The following SUSD4 variants were observed in gnomAD, a reference collection of about 807,000 sequenced individuals.
SUSD4 encodes sushi domain containing 4.
SUSD4 carries 41 observed loss-of-function variants against 50.5 expected under a neutral mutation model. The observed-to-expected ratio is 0.81, with a 90% CI of 0.63 to 1.05. The LOEUF (loss-of-function observed/expected upper bound fraction) is 1.05, where lower values mean the gene tolerates loss of function less well. Ranked by LOEUF, SUSD4 falls within the 50% of genes least tolerant of loss-of-function variation. SUSD4 has a pLI of 0.00. For synonymous variants in SUSD4, 257 were observed against 257.3 expected (o/e 1.00, Z 0.01); for missense variants, 580 against 634.7 (o/e 0.91, Z 0.93).
At chr1:223,291,167 T>A (rs554111359) in intron 3 of SUSD4, among the ~76,000 whole-genome samples, 4 of 152,276 alleles carry the variant, frequency 2.6e-5, no homozygotes, top group Non-Finnish European at 4.4e-5. Flanking sequence ...CTTTACAATT[T>A]CCAGAAGGAG....
At chr1:223,348,682 C>A (rs1161553923) in intron 2 of SUSD4, among the ~76,000 whole-genome samples, 2 of 152,180 alleles carry the variant, frequency 1.3e-5, no homozygotes, top group Admixed American at 1.3e-4. Context: ...ACACTACCAA[C>A]CCTAGCCTAA....
At chr1:223,310,493 T>C (rs970535859) in intron 2 of SUSD4, among the ~76,000 whole-genome samples, 5 of 152,164 alleles carry the variant, frequency 3.3e-5, no homozygotes, top group Non-Finnish European at 7.3e-5. Context: ...CAATTCCCCA[T>C]ATATATGTTA....
chr1:223,277,160 A>C (rs1488473107), intron 3 of SUSD4, among the ~76,000 whole-genome samples: 3 of 152,186 alleles, frequency 2.0e-5, no homozygotes, highest in African/African-American at 7.2e-5. Context: ...TAATACTTAA[A>C]CTCATATTGC....
At chr1:223,353,883 C>T (rs1668507243) in intron 2 of SUSD4, among the ~76,000 whole-genome samples, 2 of 152,020 alleles carry the variant, frequency 1.3e-5, no homozygotes, top group African/African-American at 4.8e-5. Flanking sequence ...TCTACTCCTC[C>T]TCTTAGCTTT....
intron 3 of SUSD4, among the ~76,000 whole-genome samples, chr1:223,273,216 T>C (rs1663032972): frequency 6.6e-6 from 1 of 152,134 alleles, no homozygotes; most frequent in African/African-American, 2.4e-5. Context: ...ATTTGGAATA[T>C]AGTGACCAAG....
chr1:223,246,499 A>C (rs1660938528), intron 5 of SUSD4, among the ~76,000 whole-genome samples: 1 of 145,718 alleles, frequency 6.9e-6, no homozygotes, highest in African/African-American at 2.6e-5. Context: ...TGATCTTGTT[A>C]AGACGTTGGC....
chr1:223,255,215 G>A (rs1293026554), intron 5 of SUSD4, among the ~76,000 whole-genome samples: 1 of 152,150 alleles, frequency 6.6e-6, no homozygotes, highest in East Asian at 1.9e-4. Context: ...CTAGGCCCAG[G>A]GAACACACAT....
chr1:223,227,651 AG>A lies in SUSD4; in HGVS notation c.1003del (p.Leu335CysfsTer35). 1.9e-6 allele frequency: 3 copies of A among 1,613,910 alleles called. No homozygotes were observed. The highest frequency in any genetic ancestry group is 2.5e-6 in the Non-Finnish European group (3 of 1,179,944). On this transcript the variant is annotated frameshift_variant, in exon 7 of 9. Transcript: ENST00000366878. LOFTEE classifies it high-confidence loss of function. The surrounding 1 kb of genome is among the most constrained non-coding windows in gnomAD (Gnocchi z 4.5). ...GAACATCCTGGCCAGGATGACGAGC[AG>A]CAGCACCAGCAGCACACTGGTTGCC... ...FTATSVLLVLLLVILARMFQT... is the reference protein window; with the variant it reads ...FTATSVLLVLXLVILARMFQT...
intron 2 of SUSD4, among the ~76,000 whole-genome samples, chr1:223,336,083 G>T (rs894422434): frequency 6.6e-6 from 1 of 152,080 alleles, no homozygotes; most frequent in African/African-American, 2.4e-5. Context: ...AAGCCAAGAT[G>T]TAAATAATGA....
chr1:223,360,527 C>T (rs768726193), intron 2 of SUSD4, among the ~76,000 whole-genome samples: 4 of 152,122 alleles, frequency 2.6e-5, no homozygotes, highest in Non-Finnish European at 4.4e-5. Context: ...TAAAAGCTTC[C>T]CTAGGGTTCA....
At position 223,225,856 on chromosome 1, in the gene SUSD4, G is replaced by T. The variant is rs878902025; in HGVS notation, c.1061+1738C>A. On this transcript the variant is annotated intron_variant, in intron 7 of 8. Transcript: ENST00000366878. ...ACACCCCTCGTCAACATCCCTGCAG[G>T]CTCTACTCTTGTGGAACCTGGAGAA... 3.3e-5 allele frequency among the ~76,000 whole-genome samples: 5 copies of T among 152,164 alleles called. No homozygotes were observed. The South Asian group carries it at 1.0e-3, about 32-fold the overall frequency.
At chr1:223,284,724 G>C (rs573187982) in intron 3 of SUSD4, among the ~76,000 whole-genome samples, 1 of 152,188 alleles carries the variant, frequency 6.6e-6, no homozygotes, top group African/African-American at 2.4e-5. Flanking sequence ...GATGGAACTG[G>C]GGGACATTAT....
intron 4 of SUSD4, among the ~76,000 whole-genome samples, chr1:223,266,276 G>T (rs1052951128): frequency 6.6e-6 from 1 of 152,190 alleles, no homozygotes; most frequent in Non-Finnish European, 1.5e-5. Context: ...GTTTTCTTGA[G>T]CTGAAAACTG....
At chr1:223,245,133 C>T (rs1375214994) in intron 5 of SUSD4, among the ~76,000 whole-genome samples, 1 of 151,856 alleles carries the variant, frequency 6.6e-6, no homozygotes, top group Non-Finnish European at 1.5e-5. Context: ...TTTTCAATTT[C>T]TATTTTGATA....
chr1:223,291,046 A>T (rs1664456380), intron 3 of SUSD4, among the ~76,000 whole-genome samples: 1 of 152,142 alleles, frequency 6.6e-6, no homozygotes, highest in Non-Finnish European at 1.5e-5. Flanking sequence ...AAATGAACTT[A>T]TTTTTAAAAA....
chr1:223,349,349 T>A (rs1668225952), intron 2 of SUSD4, among the ~76,000 whole-genome samples: 1 of 152,196 alleles, frequency 6.6e-6, no homozygotes, highest in African/African-American at 2.4e-5. Context: ...AATATTTACC[T>A]GACCTAAACC....
At chr1:223,296,843 T>C (rs183968521) in intron 2 of SUSD4, among the ~76,000 whole-genome samples, 2 of 152,336 alleles carry the variant, frequency 1.3e-5, no homozygotes, top group African/African-American at 2.4e-5. Flanking sequence ...AGGATGCGTT[T>C]GCTTTCCCTT....
Position 223,221,405 on chromosome 1 carries a change from A to G in SUSD4, c.*787T>C, listed in dbSNP as rs1659130039. 1 of 266,660 alleles carries G rather than the reference A, an allele frequency of 3.8e-6. No individual in the cohort carries two copies. The highest frequency in any genetic ancestry group is 2.2e-5 in the African/African-American group (1 of 45,658). The allele number at this position is 266,660 out of a possible 1,614,324, so 16.5% of individuals were successfully genotyped here. On this transcript the variant is annotated 3_prime_UTR_variant, in exon 9 of 9. Transcript: ENST00000366878. Reference sequence around the variant, plus strand: ...TCCATCATGAGATGTATTTGAACACATTCTGACCATGTGTAAAAACCACCA... The same window carrying G: ...TCCATCATGAGATGTATTTGAACACGTTCTGACCATGTGTAAAAACCACCA...
At position 223,363,444 on chromosome 1, in the gene SUSD4, A is replaced by G. The variant is rs1294868353; in HGVS notation, c.-19T>C. ...GATACATCTTTCATCCACAGAGGGC[A>G]TCCAGCTTGCAAGAGTCTGCAACCA... On this transcript the variant is annotated 5_prime_UTR_variant, in exon 2 of 9. It removes an upstream start codon present in the reference 5' UTR. Transcript: ENST00000366878. 2.0e-6 allele frequency: 3 copies of G among 1,526,278 alleles called. No individual in the cohort carries two copies. Among genetic ancestry groups the G allele is most frequent in the African/African-American group, 1.4e-5 (1 of 72,894 alleles). 94.5% of individuals were successfully genotyped at this position (1,526,278 alleles called of 1,614,324 possible).
Sources: allele counts gnomAD v4.1 joint callset (sites outside exome capture counted in the v4.1 genomes callset), GRCh38; gene constraint gnomAD v4.1.1; non-coding constraint Gnocchi (gnomAD v3.1); transcripts MANE v1.5; gene names NCBI Gene and HGNC (gene_info 2026-07-23, HGNC 2026-07-21).